The following TYRP1 variants were observed in gnomAD, a reference collection of about 807,000 sequenced individuals.
TYRP1 encodes the protein 5,6-dihydroxyindole-2-carboxylic acid oxidase.
A neutral mutation model predicts 42.8 loss-of-function variants in TYRP1; 49 were observed. The ratio of observed to expected loss-of-function variants is 1.14; its 90% CI spans 0.91 to 1.45. The LOEUF (loss-of-function observed/expected upper bound fraction) is 1.45. Among genes scored for constraint, TYRP1 ranks in the 40% most tolerant of loss-of-function variants. The pLI is 0.00. For missense variants in TYRP1, 848 were observed against 662.0 expected, an observed-to-expected ratio of 1.28 and a Z score of -3.08; for synonymous variants, 279 against 235.4, an observed-to-expected ratio of 1.19 and a Z score of -1.69.
rs71329877 is a variant in TYRP1 at position 12,709,474 on chromosome 9, ATAAG to A, written c.*298_*301del. On this transcript the variant is annotated 3_prime_UTR_variant, in exon 8 of 8. Coordinates refer to ENST00000388918, the MANE Select transcript of TYRP1 (RefSeq NM_000550.3). ...ATTTAAAGGTTGAGTATGTGAAGAT[ATAAG>A]TAAGTGAACTACCATGCTTTGTTTA... is the stretch of plus-strand genomic sequence containing the variant. 335,915 of 370,986 alleles carry A rather than the reference ATAAG, an allele frequency of 0.91. 153,449 individuals carry two copies. The highest frequency in any genetic ancestry group is 0.95 in the African/African-American group (46,044 of 48,682). The allele number at this position is 370,986 out of a possible 1,614,324, so 23.0% of individuals were successfully genotyped here.
At chr9:12,699,410 T>G (rs1586842994) in intron 4 of TYRP1, among the ~76,000 whole-genome samples, 2 of 152,184 alleles carry the variant, frequency 1.3e-5, no homozygotes, top group East Asian at 1.9e-4. Flanking sequence ...CATCTTATTT[T>G]TCTTCTTCAG....
At chr9:12,699,694 T>G (rs1818135203) in intron 4 of TYRP1, among the ~76,000 whole-genome samples, 2 of 152,088 alleles carry the variant, frequency 1.3e-5, no homozygotes, top group Non-Finnish European at 2.9e-5. Context: ...TAAATTTGTA[T>G]TTGTTTGGTA....
rs541717766 is a variant in TYRP1, at chr9:12,707,860, C to T, written c.1262-137C>T. On this transcript the variant is annotated intron_variant, in intron 6 of 7. Coordinates refer to ENST00000388918, the MANE Select transcript of TYRP1 (RefSeq NM_000550.3). ...TTCTCATCCTGCTGTAGTGAAACTT[C>T]ATATCTTTATTCAGTGTAAAATAAG... 3.3e-4 allele frequency: 262 copies of T among 794,646 alleles called. 2 individuals carry two copies. The highest frequency in any genetic ancestry group is 4.8e-4 in the Non-Finnish European group (242 of 508,436). The allele number at this position is 794,646 out of a possible 1,614,324, so 49.2% of individuals were successfully genotyped here. A position where few individuals can be genotyped will look rare whatever the true frequency, so the allele number is the denominator to read the frequency against.
intron 3 of TYRP1, among the ~76,000 whole-genome samples, chr9:12,696,531 G>C (rs975741143): frequency 6.6e-6 from 1 of 152,056 alleles, no homozygotes; most frequent in Non-Finnish European, 1.5e-5. Context: ...TTGAAAAAAA[G>C]TTGAAAAATA....
rs1352763732 is a variant in TYRP1 at position 12,709,228 on chromosome 9, T to C, written c.*46T>C. 16 of 1,528,800 alleles carry C rather than the reference T, an allele frequency of 1.0e-5. No homozygotes were observed. The highest frequency in any genetic ancestry group is 1.3e-5 in the Non-Finnish European group (14 of 1,103,888). The allele number at this position is 1,528,800 out of a possible 1,614,324, so 94.7% of individuals were successfully genotyped here. On this transcript the variant is annotated 3_prime_UTR_variant, in exon 8 of 8. Transcript: ENST00000388918. Reference sequence around the variant, plus strand: ...GCATTAGTATCACAAAACCACCTGGTTGAATATAATAGATTGAGTTATTAA... The same window carrying C: ...GCATTAGTATCACAAAACCACCTGGCTGAATATAATAGATTGAGTTATTAA...
intron 6 of TYRP1, among the ~76,000 whole-genome samples, chr9:12,707,434 GC>G (rs1818276155): frequency 6.6e-6 from 1 of 151,926 alleles, no homozygotes; most frequent in South Asian, 2.1e-4. Context: ...TACATATACA[GC>G]ATGTTAGATG....
At position 12,710,032 on chromosome 9, in the gene TYRP1, A is replaced by G. The variant is rs1214591722; in HGVS notation, c.*850A>G. On this transcript the variant is annotated 3_prime_UTR_variant, in exon 8 of 8. Coordinates refer to ENST00000388918, the MANE Select transcript of TYRP1 (RefSeq NM_000550.3). ...AATCACTGTGCTTAATTTAAATAGC[A>G]TTATCTTATCATTTATCAGCCTTTT... The G allele has an allele frequency of 6.6e-6, 1 of 151,846 alleles. No individual in the cohort carries two copies. The highest frequency in any genetic ancestry group is 1.5e-5 in the Non-Finnish European group (1 of 67,842). The allele number at this position is 151,846 out of a possible 1,614,324, so 9.4% of individuals were successfully genotyped here. A position where few individuals can be genotyped will look rare whatever the true frequency, so the allele number is the denominator to read the frequency against.
rs889251886 is a variant in TYRP1, at chr9:12,708,105, C to T, written c.1370C>T (p.Pro457Leu). The T allele has an allele frequency of 6.2e-7, 1 of 1,612,622 alleles. No individual in the cohort carries two copies. Among genetic ancestry groups the T allele is most frequent in the Non-Finnish European group, 8.5e-7 (1 of 1,179,278 alleles). ...VTNTEMFVTA[P>L]DNLGYTYEIQ... is the part of the protein sequence containing the mutation. ...AACACAGAAATGTTTGTTACTGCTCCAGACAACCTGGGATACACTTATGAA... is the reference window on the plus strand; with the variant it reads ...AACACAGAAATGTTTGTTACTGCTCTAGACAACCTGGGATACACTTATGAA... The change falls in exon 7 of 8, where the codon CCA becomes CTA. Residue 457 changes from proline to leucine, a missense_variant. Pro to Leu is a moderately conservative substitution (Grantham distance 98, BLOSUM62 -3). Coordinates refer to ENST00000388918, the MANE Select transcript of TYRP1 (RefSeq NM_000550.3).
intron 4 of TYRP1, among the ~76,000 whole-genome samples, chr9:12,700,975 C>G (rs1177066462): frequency 6.6e-6 from 1 of 151,986 alleles, no homozygotes; most frequent in South Asian, 2.1e-4. Flanking sequence ...AAGCATAGAA[C>G]ATGGGAGGCT....
rs890515519 is a variant in TYRP1, at chr9:12,695,455, C to T, written c.386-60C>T. 1.6e-5 allele frequency: 24 copies of T among 1,506,950 alleles called. No individual in the cohort carries two copies. The African/African-American group carries it at 2.9e-4, about 18-fold the overall frequency. 93.3% of individuals were successfully genotyped at this position (1,506,950 alleles called of 1,614,324 possible). On this transcript the variant is annotated intron_variant, in intron 2 of 7. Coordinates refer to ENST00000388918, the MANE Select transcript of TYRP1 (RefSeq NM_000550.3). ...TGGTGTGTTACAAGATGATTATGCT[C>T]TTTCTCTACCCATCCCCGCAAGGCA...
At chr9:12,707,916 T>C (rs1232381443) in intron 6 of TYRP1, 81 bp from the exon 7 acceptor site, 5 of 1,379,820 alleles carry the variant, frequency 3.6e-6, no homozygotes, top group East Asian at 2.5e-5. Context: ...TCCTTGAATA[T>C]TGGATGCCTT....
chr9:12,707,924 C>G (rs1269587378), intron 6 of TYRP1, 73 bp from the exon 7 acceptor site: 1 of 1,459,326 alleles, frequency 6.9e-7, no homozygotes, highest in Non-Finnish European at 9.3e-7. Flanking sequence ...TATTGGATGC[C>G]TTTAGAACTC....
Position 12,695,474 on chromosome 9 carries a change from C to T in TYRP1, c.386-41C>T, listed in dbSNP as rs1007689210. The T allele has an allele frequency of 1.9e-6, 3 of 1,594,312 alleles. No homozygotes were observed. In the African/African-American group the frequency reaches 4.0e-5, roughly 21 times the overall value. ...TATGCTCTTTCTCTACCCATCCCCG[C>T]AAGGCAGATGTTTTCATGCTTGAAT... On this transcript the variant is annotated intron_variant, in intron 2 of 7. Coordinates refer to ENST00000388918, the MANE Select transcript of TYRP1 (RefSeq NM_000550.3).
chr9:12,709,495 C>CTTTG lies in TYRP1; in HGVS notation c.*317_*320dup, dbSNP rs1481603401. ...AGATATAAGTAAGTGAACTACCATG[C>CTTTG]TTTGTTTACGTGTAAAGGAAAATAA... On this transcript the variant is annotated 3_prime_UTR_variant, in exon 8 of 8. Coordinates refer to ENST00000388918, the MANE Select transcript of TYRP1 (RefSeq NM_000550.3). 11 of 329,594 alleles carry CTTTG rather than the reference C, an allele frequency of 3.3e-5. No homozygotes were observed. Among genetic ancestry groups the CTTTG allele is most frequent in the Non-Finnish European group, 5.8e-5 (10 of 173,402 alleles). The allele number at this position is 329,594 out of a possible 1,614,324, so 20.4% of individuals were successfully genotyped here. A position where few individuals can be genotyped will look rare whatever the true frequency, so the allele number is the denominator to read the frequency against.
Position 12,702,347 on chromosome 9 carries a change from A to G in TYRP1, c.990A>G (p.Pro330=). 6.2e-7 allele frequency: 1 copy of G among 1,613,168 alleles called. No individual in the cohort carries two copies. The highest frequency in any genetic ancestry group is 8.5e-7 in the Non-Finnish European group (1 of 1,179,494). Reference sequence around the variant, plus strand: ...CAATGGTGCAACGTCTTCCTGAACCACAGGATGTCGCTCAGTGCTTGGAAG... The same window carrying G: ...CAATGGTGCAACGTCTTCCTGAACCGCAGGATGTCGCTCAGTGCTTGGAAG... The part of the protein sequence containing the change: ...ARPMVQRLPE[P]QDVAQCLEVG... The change falls in exon 5 of 8, where the codon CCA becomes CCG. Residue 330 remains proline, a synonymous_variant. Coordinates refer to ENST00000388918, the MANE Select transcript of TYRP1 (RefSeq NM_000550.3).
Position 12,694,069 on chromosome 9 carries a change from C to T in TYRP1, c.73C>T (p.Gln25Ter). Residue 25 changes from glutamine to a stop codon, truncating the protein, a stop_gained, in exon 2 of 8, where the codon CAA (glutamine) becomes TAA (stop). Transcript: ENST00000388918. LOFTEE classifies it high-confidence loss of function. ...GCTACTTTTTCAGCAGGCCCGGGCT[C>T]AATTCCCAAGACAGTGTGCCACTGT... ...PLLLFQQARA[Q>*]FPRQCATVEA... The T allele has an allele frequency of 2.5e-6, 4 of 1,613,932 alleles. No individual in the cohort carries two copies. Among genetic ancestry groups the T allele is most frequent in the Non-Finnish European group, 3.4e-6 (4 of 1,180,004 alleles).
At chr9:12,700,644 C>T (rs1160083157) in intron 4 of TYRP1, 1 of 152,004 alleles carries the variant, frequency 6.6e-6, no homozygotes, top group Non-Finnish European at 1.5e-5. Flanking sequence ...AAAAAACAAA[C>T]TGGTTTATTT....
At chr9:12,697,912 TGAAA>T (rs1393824630) in intron 3 of TYRP1, among the ~76,000 whole-genome samples, 1 of 152,182 alleles carries the variant, frequency 6.6e-6, no homozygotes, top group East Asian at 1.9e-4. Context: ...GTGCTCAGTG[TGAAA>T]GAGTCCATTG....
intron 5 of TYRP1, among the ~76,000 whole-genome samples, chr9:12,704,249 G>A (rs932718860): frequency 6.6e-6 from 1 of 151,792 alleles, no homozygotes; most frequent in Non-Finnish European, 1.5e-5. Flanking sequence ...CAAATAGAGT[G>A]TCTATATATT....
Sources: allele counts gnomAD v4.1 joint callset (sites outside exome capture counted in the v4.1 genomes callset), GRCh38; gene constraint gnomAD v4.1.1; transcripts MANE v1.5; gene names NCBI Gene and HGNC (gene_info 2026-07-23, HGNC 2026-07-21).